The following CAB39L variants were observed in gnomAD, a reference collection of about 807,000 sequenced individuals.
CAB39L encodes the protein calcium binding protein 39 like, also known as calcium-binding protein 39-like.
In CAB39L, 23 loss-of-function variants were observed where a neutral mutation model predicts 39.1. That is an observed-to-expected ratio of 0.59 (90% CI 0.42 to 0.83). The LOEUF (loss-of-function observed/expected upper bound fraction) is 0.83, where lower values mean the gene tolerates loss of function less well. CAB39L is among the 40% of genes least tolerant of loss of function. The pLI, the probability that CAB39L is intolerant of heterozygous loss-of-function variation, is 0.00. For missense variants in CAB39L, 366 were observed against 391.9 expected (o/e 0.93, Z 0.56); for synonymous variants, 126 against 137.2 (o/e 0.92, Z 0.57).
intron 3 of CAB39L, among the ~76,000 whole-genome samples, chr13:49,421,326 C>T (rs562890664): frequency 4.6e-5 from 7 of 152,166 alleles, no homozygotes; most frequent in Admixed American, 1.3e-4. Flanking sequence ...CTCCACCCGA[C>T]CCCCACCAGC....
intron 3 of CAB39L, among the ~76,000 whole-genome samples, chr13:49,399,588 G>GA (rs1192683135): frequency 6.6e-6 from 1 of 151,956 alleles, no homozygotes; most frequent in Admixed American, 6.6e-5. Context: ...GTTTCCCAGG[G>GA]AAAATGGGTT....
chr13:49,368,318 G>C (rs78497401), intron 5 of CAB39L, among the ~76,000 whole-genome samples: 5,647 of 152,264 alleles, frequency 0.037, 147 homozygotes, highest in Middle Eastern at 0.088. Flanking sequence ...TGCTACCAGG[G>C]ACCGCTTCCC....
Position 49,342,050 on chromosome 13 carries a change from T to C in CAB39L, c.624+2129A>G, listed in dbSNP as rs1279916209. On this transcript the variant is annotated intron_variant, in intron 8 of 10. Coordinates refer to ENST00000409308, the MANE Select transcript of CAB39L (RefSeq NM_001079670.3). ...GCAAAAATAAAATTTATTTTATTTA[T>C]AATTAAAAGAGAAGTAGTTAAATAT... 2.0e-5 allele frequency among the ~76,000 whole-genome samples: 3 copies of C among 152,308 alleles called. No homozygotes were observed. The East Asian group carries it at 5.8e-4, about 29-fold the overall frequency.
chr13:49,425,392 T>C lies in CAB39L; in HGVS notation c.-32+7926A>G, dbSNP rs184353731. Among the ~76,000 whole-genome samples, 32 of 152,270 alleles carry C rather than the reference T, an allele frequency of 2.1e-4. No individual in the cohort carries two copies. In the East Asian group the frequency reaches 6.0e-3, roughly 28 times the overall value. On this transcript the variant is annotated intron_variant, in intron 3 of 10. Coordinates refer to ENST00000409308, the MANE Select transcript of CAB39L (RefSeq NM_001079670.3). ...CAAAGCTTGCTACCCAAAATATCCATATACAAAAATATAGGCATATGTAGA... is the reference window on the plus strand; with the variant it reads ...CAAAGCTTGCTACCCAAAATATCCACATACAAAAATATAGGCATATGTAGA...
At chr13:49,352,524 T>A (rs1304813081) in intron 6 of CAB39L, among the ~76,000 whole-genome samples, 6 of 150,878 alleles carry the variant, frequency 4.0e-5, no homozygotes, top group African/African-American at 1.5e-4. Context: ...GAGGCTGAGG[T>A]GGATGGACTG....
intron 6 of CAB39L, 86 bp from the exon 7 acceptor site, chr13:49,350,998 G>C: frequency 2.1e-6 from 2 of 945,254 alleles, no homozygotes; most frequent in Non-Finnish European, 3.0e-6. Flanking sequence ...TTTCAATACT[G>C]CTATTAATGG....
chr13:49,391,473 C>G (rs549592440), intron 3 of CAB39L, among the ~76,000 whole-genome samples: 2 of 152,120 alleles, frequency 1.3e-5, no homozygotes, highest in Non-Finnish European at 2.9e-5. Flanking sequence ...AAAATGTATT[C>G]CTGAAGTATT....
chr13:49,380,905 C>T (rs1243188770), intron 4 of CAB39L, among the ~76,000 whole-genome samples: 1 of 152,094 alleles, frequency 6.6e-6, no homozygotes, highest in Non-Finnish European at 1.5e-5. Context: ...TCTAGTTCTG[C>T]TTCTTGGGTG....
intron 3 of CAB39L, among the ~76,000 whole-genome samples, chr13:49,415,879 A>G (rs1278167889): frequency 1.3e-5 from 2 of 152,196 alleles, no homozygotes; most frequent in Non-Finnish European, 2.9e-5. Flanking sequence ...CCTGTTTTCT[A>G]CTATGCCTTT....
chr13:49,402,259 T>C (rs1956791054), intron 3 of CAB39L, among the ~76,000 whole-genome samples: 1 of 152,188 alleles, frequency 6.6e-6, no homozygotes, highest in Non-Finnish European at 1.5e-5. Flanking sequence ...CATACAATTA[T>C]AGAGTAAAGT....
chr13:49,427,110 A>T (rs1040407673), intron 3 of CAB39L, among the ~76,000 whole-genome samples: 6 of 152,196 alleles, frequency 3.9e-5, no homozygotes, highest in Non-Finnish European at 8.8e-5. Context: ...AAATCTTCTT[A>T]GCTACGGTAC....
intron 5 of CAB39L, among the ~76,000 whole-genome samples, chr13:49,374,228 T>C (rs960383827): frequency 3.3e-5 from 5 of 152,234 alleles, no homozygotes; most frequent in Non-Finnish European, 5.9e-5. Context: ...TTGCCTATCT[T>C]ATTATCACAA....
In CAB39L at chr13:49,402,495, T is replaced by C. The variant is rs567253249; in HGVS notation, c.-31-19554A>G. ...GCCCAGAACACTTTTAGGTTCTCCA[T>C]CTCCCACTATGTCCCCAGTCAAAAG... On this transcript the variant is annotated intron_variant, in intron 3 of 10. Transcript: ENST00000409308. Among the ~76,000 whole-genome samples the C allele has an allele frequency of 2.3e-3, 357 of 152,274 alleles. 1 individual carries two copies. Among genetic ancestry groups the C allele is most frequent in the Non-Finnish European group, 4.4e-3 (298 of 68,014 alleles).
At position 49,310,765 on chromosome 13, in the gene CAB39L, C is replaced by G; in HGVS notation, c.*49G>C. 6.3e-7 allele frequency: 1 copy of G among 1,586,084 alleles called. No homozygotes were observed. Among genetic ancestry groups the G allele is most frequent in the Non-Finnish European group, 8.6e-7 (1 of 1,163,040 alleles). On this transcript the variant is annotated 3_prime_UTR_variant, in exon 11 of 11. Transcript: ENST00000409308. ...TGACTTTCTGAAATGACACACTGTA[C>G]AAACTGGACAAATGAGACGACTGAC...
At chr13:49,313,529 C>T (rs538096458) in intron 10 of CAB39L, among the ~76,000 whole-genome samples, 2 of 151,966 alleles carry the variant, frequency 1.3e-5, no homozygotes, top group Non-Finnish European at 2.9e-5. Flanking sequence ...CTCCCAGATA[C>T]GTCAACTCAG....
At chr13:49,441,553 C>T (rs945310351) in intron 1 of CAB39L, among the ~76,000 whole-genome samples, 1 of 151,972 alleles carries the variant, frequency 6.6e-6, no homozygotes. Flanking sequence ...GGCAACATAG[C>T]GAGATCCCAT....
intron 3 of CAB39L, among the ~76,000 whole-genome samples, chr13:49,398,885 A>G (rs1272022609): frequency 2.0e-5 from 3 of 152,084 alleles, no homozygotes; most frequent in African/African-American, 7.2e-5. Flanking sequence ...CATGTACTCA[A>G]GATACCTAAC....
chr13:49,317,389 G>A (rs1954189544), intron 10 of CAB39L, among the ~76,000 whole-genome samples: 2 of 151,996 alleles, frequency 1.3e-5, no homozygotes, highest in Admixed American at 6.6e-5. Flanking sequence ...AATTAGCCAG[G>A]TGCCGTAGTG....
At chr13:49,349,300 A>G (rs756402836) in intron 7 of CAB39L, among the ~76,000 whole-genome samples, 29 of 152,052 alleles carry the variant, frequency 1.9e-4, no homozygotes, top group Non-Finnish European at 5.9e-5. Flanking sequence ...AAGGTAATAT[A>G]TAAAAAATAA....
Sources: allele counts gnomAD v4.1 joint callset (sites outside exome capture counted in the v4.1 genomes callset), GRCh38; gene constraint gnomAD v4.1.1; transcripts MANE v1.5; gene names NCBI Gene and HGNC (gene_info 2026-07-23, HGNC 2026-07-21).